TUBB6: variants seen among roughly 807,000 people sequenced by gnomAD.
The protein encoded by TUBB6 is tubulin beta-6 chain.
Under a neutral mutation model 32.3 loss-of-function variants are expected in TUBB6, and 18 were observed. The ratio of observed to expected loss-of-function variants is 0.56; its 90% confidence interval spans 0.39 to 0.83. TUBB6 has a LOEUF of 0.83. Ranked by LOEUF, TUBB6 falls within the 40% of genes least tolerant of loss-of-function variation. The pLI is 0.00. For synonymous variants in TUBB6, 280 were observed against 265.8 expected (o/e 1.05, Z -0.52); for missense variants, 480 against 632.0 (o/e 0.76, Z 2.58).
chr18:12,308,256 C>G lies in TUBB6; in HGVS notation c.-37C>G, dbSNP rs955990836. 2.2e-6 allele frequency: 3 copies of G among 1,394,208 alleles called. No homozygotes were observed. The highest frequency in any genetic ancestry group is 3.0e-5 in the African/African-American group (2 of 66,474). The allele number at this position is 1,394,208 out of a possible 1,614,324, so 86.4% of individuals were successfully genotyped here. A position where few individuals can be genotyped will look rare whatever the true frequency, so the allele number is the denominator to read the frequency against. On this transcript the variant is annotated 5_prime_UTR_variant, in exon 1 of 4. Coordinates refer to ENST00000317702, the MANE Select transcript of TUBB6 (RefSeq NM_032525.3). Reference sequence around the variant, plus strand: ...GCCGGCCCGCAGTTGCCGCTGTCGTCCGCAGAGCCAGTTCCTAGCGCAGAG... The same window carrying G: ...GCCGGCCCGCAGTTGCCGCTGTCGTGCGCAGAGCCAGTTCCTAGCGCAGAG...
intron 3 of TUBB6, among the ~76,000 whole-genome samples, chr18:12,314,820 G>A (rs1385811552): frequency 6.6e-6 from 1 of 152,140 alleles, no homozygotes; most frequent in Non-Finnish European, 1.5e-5. Context: ...TCCAAAAAAG[G>A]AAGCACAGCA....
Position 12,325,928 on chromosome 18 carries a change from G to A in TUBB6, c.1139G>A (p.Arg380His). Residue 380 changes from arginine (R) to histidine (H), a missense_variant, in exon 4 of 4, where the codon CGC becomes CAC. Arg to His is a conservative substitution (Grantham distance 29). Transcript: ENST00000317702. ...NSTAIQELFK[R>H]ISEQFSAMFR... ...ACGGCCATCCAGGAGCTGTTCAAGC[G>A]CATCTCCGAGCAGTTCTCAGCCATG... The A allele has an allele frequency of 6.2e-7, 1 of 1,614,040 alleles. No individual in the cohort carries two copies. Among genetic ancestry groups the A allele is most frequent in the Non-Finnish European group, 8.5e-7 (1 of 1,180,042 alleles).
intron 3 of TUBB6, among the ~76,000 whole-genome samples, chr18:12,323,789 G>A (rs538531076): frequency 4.7e-4 from 72 of 151,706 alleles, no homozygotes; most frequent in African/African-American, 1.7e-3. Flanking sequence ...AGCCTGGGTG[G>A]CAGAGCAAGA....
intron 3 of TUBB6, among the ~76,000 whole-genome samples, chr18:12,321,931 A>G (rs1907010282): frequency 6.6e-6 from 1 of 152,210 alleles, no homozygotes; most frequent in African/African-American, 2.4e-5. Flanking sequence ...GTTTACATTC[A>G]GAAACAAGAA....
At chr18:12,318,940 A>T (rs1906819466) in intron 3 of TUBB6, among the ~76,000 whole-genome samples, 1 of 151,996 alleles carries the variant, frequency 6.6e-6, no homozygotes, top group African/African-American at 2.4e-5. Context: ...AAAAGTGTTT[A>T]ATGTTTTCAT....
chr18:12,324,926 G>A, intron 3 of TUBB6, 141 bp from the exon 4 acceptor site: 1 of 1,490,814 alleles, frequency 6.7e-7, no homozygotes, highest in Non-Finnish European at 8.9e-7. Flanking sequence ...CTGCACCGTT[G>A]GTGGGTGCCT....
rs778849487 is a variant in TUBB6, at chr18:12,325,671, C to T, written c.882C>T (p.Phe294=). 1 of 1,614,078 alleles carries T rather than the reference C, an allele frequency of 6.2e-7. No individual in the cohort carries two copies. Among genetic ancestry groups the T allele is most frequent in the African/African-American group, 1.3e-5 (1 of 75,064 alleles). ...LTVPELTQQM[F]DARNMMAACD... ...TGCCCGAGCTCACCCAGCAGATGTT[C>T]GACGCCAGGAACATGATGGCCGCCT... The change falls in exon 4 of 4, where the codon TTC becomes TTT. Residue 294 remains phenylalanine, a synonymous_variant. Coordinates refer to ENST00000317702, the MANE Select transcript of TUBB6 (RefSeq NM_032525.3).
intron 2 of TUBB6, among the ~76,000 whole-genome samples, chr18:12,310,582 C>T (rs1180917926): frequency 2.0e-5 from 3 of 151,948 alleles, no homozygotes; most frequent in Non-Finnish European, 4.4e-5. Flanking sequence ...TTCAGATGAT[C>T]CTGCCACCTC....
intron 2 of TUBB6, among the ~76,000 whole-genome samples, chr18:12,309,398 T>TTCCC (rs1906224825): frequency 4.0e-5 from 4 of 99,008 alleles, no homozygotes; most frequent in Non-Finnish European, 5.9e-5. Flanking sequence ...AAACAAAGCT[T>TTCCC]CCCCCCCCCC....
In TUBB6 at chr18:12,325,928, G is replaced by GC; in HGVS notation, c.1140dup (p.Ile381HisfsTer21). 1.2e-6 allele frequency: 2 copies of GC among 1,614,040 alleles called. No homozygotes were observed. Among genetic ancestry groups the GC allele is most frequent in the South Asian group, 1.1e-5 (1 of 91,082 alleles). The stretch of plus-strand genomic sequence containing the variant: ...ACGGCCATCCAGGAGCTGTTCAAGC[G>GC]CATCTCCGAGCAGTTCTCAGCCATG... On this transcript the variant is annotated frameshift_variant, in exon 4 of 4. Coordinates refer to ENST00000317702, the MANE Select transcript of TUBB6 (RefSeq NM_032525.3). LOFTEE classifies it high-confidence loss of function.
At chr18:12,319,360 G>T (rs1014412036) in intron 3 of TUBB6, among the ~76,000 whole-genome samples, 1 of 151,924 alleles carries the variant, frequency 6.6e-6, no homozygotes, top group African/African-American at 2.4e-5. Context: ...GGCCAGGCTG[G>T]TCTCGAACTC....
Position 12,325,994 on chromosome 18 carries a change from G to T in TUBB6, c.1205G>T (p.Gly402Val). The change falls in exon 4 of 4, where the codon GGC (glycine) becomes GTC (valine). Residue 402 changes from glycine (G) to valine (V), a missense_variant. Coordinates refer to ENST00000317702, the MANE Select transcript of TUBB6 (RefSeq NM_032525.3). ...TTCCTGCACTGGTTCACGGGTGAGG[G>T]CATGGATGAAATGGAGTTCACCGAG... ...KAFLHWFTGE[G>V]MDEMEFTEAE... The T allele has an allele frequency of 6.2e-7, 1 of 1,614,126 alleles. No individual in the cohort carries two copies. The highest frequency in any genetic ancestry group is 1.7e-5 in the Admixed American group (1 of 60,030).
In TUBB6 at chr18:12,315,125, T is replaced by C. The variant is rs192685053; in HGVS notation, c.277+4072T>C. On this transcript the variant is annotated intron_variant, in intron 3 of 3. Transcript: ENST00000317702. The stretch of plus-strand genomic sequence containing the variant: ...TTGCTGACTCTCATTATTGTAATCA[T>C]GGTATCATTTATATCTTTTTCCATT... 2.0e-5 allele frequency among the ~76,000 whole-genome samples: 3 copies of C among 152,340 alleles called. No individual in the cohort carries two copies. In the East Asian group the frequency reaches 5.8e-4, roughly 29 times the overall value.
At chr18:12,314,213 A>G (rs1158516317) in intron 3 of TUBB6, among the ~76,000 whole-genome samples, 2 of 151,860 alleles carry the variant, frequency 1.3e-5, no homozygotes, top group Non-Finnish European at 2.9e-5. Flanking sequence ...GGGGGTCTTC[A>G]TTTTACTATC....
rs937375374 is a variant in TUBB6 at position 12,324,721 on chromosome 18, G to C, written c.278-346G>C. On this transcript the variant is annotated intron_variant, in intron 3 of 3. Coordinates refer to ENST00000317702, the MANE Select transcript of TUBB6 (RefSeq NM_032525.3). Reference sequence around the variant, plus strand: ...CCGCCTCGGCCTCCCAAAGTGCTGGGATTACAGGCATGAGCCACGGCGCCC... The same window carrying C: ...CCGCCTCGGCCTCCCAAAGTGCTGGCATTACAGGCATGAGCCACGGCGCCC... 8.1e-5 allele frequency: 98 copies of C among 1,204,070 alleles called. No individual in the cohort carries two copies. In the East Asian group the frequency reaches 2.9e-3, roughly 35 times the overall value. 74.6% of individuals were successfully genotyped at this position (1,204,070 alleles called of 1,614,324 possible).
chr18:12,320,850 A>C (rs181433156), intron 3 of TUBB6: 3 of 152,294 alleles, frequency 2.0e-5, no homozygotes, highest in African/African-American at 7.2e-5. Flanking sequence ...AACTTACAGA[A>C]GTGTAATTGC....
In TUBB6 at chr18:12,325,334, C is replaced by T; in HGVS notation, c.545C>T (p.Pro182Leu). ...AAGGTGTCGGACACGGTGGTGGAGCCCTACAATGCCACACTGTCGGTGCAC... is the reference window on the plus strand; with the variant it reads ...AAGGTGTCGGACACGGTGGTGGAGCTCTACAATGCCACACTGTCGGTGCAC... ...SPKVSDTVVE[P>L]YNATLSVHQL... Residue 182 changes from proline (P) to leucine (L), a missense_variant, in exon 4 of 4, where the codon CCC becomes CTC. By Grantham distance (98) the Pro-to-Leu change is moderately conservative (BLOSUM62 -3). Transcript: ENST00000317702. 6.2e-7 allele frequency: 1 copy of T among 1,614,170 alleles called. No homozygotes were observed. The highest frequency in any genetic ancestry group is 8.5e-7 in the Non-Finnish European group (1 of 1,180,018).
Position 12,325,685 on chromosome 18 carries a change from T to C in TUBB6, c.896T>C (p.Met299Thr). ...CAGCAGATGTTCGACGCCAGGAACA[T>C]GATGGCCGCCTGCGATCCGCGCCAT... ...LTQQMFDARNMMAACDPRHGR... is the reference protein window; with the variant it reads ...LTQQMFDARNTMAACDPRHGR... The change falls in exon 4 of 4, where the codon ATG becomes ACG. Residue 299 changes from methionine (M) to threonine (T), a missense_variant. Met to Thr is a moderately conservative substitution (Grantham distance 81). Coordinates refer to ENST00000317702, the MANE Select transcript of TUBB6 (RefSeq NM_032525.3). 1 of 1,614,082 alleles carries C rather than the reference T, an allele frequency of 6.2e-7. No individual in the cohort carries two copies. The highest frequency in any genetic ancestry group is 2.2e-5 in the East Asian group (1 of 44,876).
intron 3 of TUBB6, among the ~76,000 whole-genome samples, chr18:12,314,155 C>G (rs941932882): frequency 1.3e-5 from 2 of 152,092 alleles, no homozygotes; most frequent in African/African-American, 4.8e-5. Context: ...GGAAACTGAG[C>G]AGCTGACCCT....
Sources: allele counts gnomAD v4.1 joint callset (sites outside exome capture counted in the v4.1 genomes callset), GRCh38; gene constraint gnomAD v4.1.1; transcripts MANE v1.5; gene names NCBI Gene and HGNC (gene_info 2026-07-23, HGNC 2026-07-21).